The following TMEM260 variants were observed in gnomAD, a reference collection of about 807,000 sequenced individuals.
TMEM260 encodes the protein protein O-mannosyl-transferase TMEM260.
TMEM260 carries 82 observed loss-of-function variants against 88.9 expected under a neutral mutation model. That is an observed-to-expected ratio of 0.92 (90% CI 0.77 to 1.11). TMEM260 has a LOEUF of 1.11. TMEM260 is among the 50% of genes least tolerant of loss of function. TMEM260 has a pLI of 0.00. For synonymous variants in TMEM260, 314 were observed against 309.3 expected, an observed-to-expected ratio of 1.02 and a Z score of -0.16; for missense variants, 902 against 853.4, an observed-to-expected ratio of 1.06 and a Z score of -0.71.
chr14:56,640,559 A>T (rs1226082587), intron 15 of TMEM260, among the ~76,000 whole-genome samples: 1 of 152,160 alleles, frequency 6.6e-6, no homozygotes, highest in Non-Finnish European at 1.5e-5. Flanking sequence ...AACAGCAGAA[A>T]AACCAGAAAC....
intron 15 of TMEM260, 72 bp from the exon 16 acceptor site, chr14:56,647,171 T>C: frequency 6.7e-7 from 1 of 1,493,730 alleles, no homozygotes; most frequent in Non-Finnish European, 8.9e-7. Flanking sequence ...AATTCCTCTG[T>C]GTTTTTTTGT....
At chr14:56,592,126 C>A (rs541252568) in intron 3 of TMEM260, among the ~76,000 whole-genome samples, 1 of 152,230 alleles carries the variant, frequency 6.6e-6, no homozygotes, top group Non-Finnish European at 1.5e-5. Context: ...CTGGGTAAAA[C>A]AGTTCTCCTT....
At chr14:56,662,393 C>T in the TMEM260 span, among the ~76,000 whole-genome samples, 2 of 152,128 alleles carry the variant, frequency 1.3e-5, no homozygotes, top group African/African-American at 4.8e-5. Flanking sequence ...TCTGCAGAGC[C>T]CGGCCACCAA....
chr14:56,636,060 A>G (rs1889038186), intron 14 of TMEM260, among the ~76,000 whole-genome samples: 1 of 152,174 alleles, frequency 6.6e-6, no homozygotes, highest in Non-Finnish European at 1.5e-5. Flanking sequence ...TTGCACAGGT[A>G]TTGATTTAAT....
At chr14:56,607,504 G>A (rs931919398) in intron 5 of TMEM260, among the ~76,000 whole-genome samples, 3 of 152,172 alleles carry the variant, frequency 2.0e-5, no homozygotes. Context: ...TAACAGGGTA[G>A]TTGGATCTCA....
intron 12 of TMEM260, among the ~76,000 whole-genome samples, chr14:56,629,594 C>T (rs2139617721): frequency 6.6e-6 from 1 of 152,216 alleles, no homozygotes; most frequent in East Asian, 1.9e-4. Flanking sequence ...GAGGATATTC[C>T]TTAAGTATTT....
intron 10 of TMEM260, among the ~76,000 whole-genome samples, chr14:56,619,930 A>C (rs956057069): frequency 1.3e-5 from 2 of 152,238 alleles, no homozygotes; most frequent in African/African-American, 4.8e-5. Flanking sequence ...AATGTGGTCC[A>C]TATACACCAT....
At chr14:56,610,937 C>G (rs1193779857) in intron 6 of TMEM260, among the ~76,000 whole-genome samples, 2 of 151,060 alleles carry the variant, frequency 1.3e-5, no homozygotes, top group Non-Finnish European at 2.9e-5. Flanking sequence ...TGATTTCTAG[C>G]CAAATATTCT....
chr14:56,627,283 A>T (rs1888299150), intron 12 of TMEM260, among the ~76,000 whole-genome samples: 1 of 152,140 alleles, frequency 6.6e-6, no homozygotes, highest in African/African-American at 2.4e-5. Flanking sequence ...AAATGTTTTT[A>T]AAAACTGGAA....
intron 6 of TMEM260, 35 bp downstream of exon 6, chr14:56,609,320 A>G: frequency 6.3e-7 from 1 of 1,595,634 alleles, no homozygotes; most frequent in Non-Finnish European, 8.6e-7. Flanking sequence ...TAAGGAAACA[A>G]GTGGCAAAAC....
chr14:56,652,082 T>C (rs1053814036), downstream of TMEM260, among the ~76,000 whole-genome samples: 3 of 152,228 alleles, frequency 2.0e-5, no homozygotes, highest in Admixed American at 1.3e-4. Context: ...TATAAAAGTG[T>C]GTGTGATTAA....
At chr14:56,605,545 ATT>A (rs59106153) in intron 4 of TMEM260, 23 bp from the exon 5 acceptor site, 3 of 1,177,244 alleles carry the variant, frequency 2.5e-6, no homozygotes, top group South Asian at 1.7e-5. Flanking sequence ...TTTTTACTTA[ATT>A]TTTTTTTTTA....
At chr14:56,632,365 A>T (rs771959378) in intron 12 of TMEM260, among the ~76,000 whole-genome samples, 15 of 152,160 alleles carry the variant, frequency 9.9e-5, no homozygotes, top group Non-Finnish European at 2.1e-4. Context: ...CTGCTTAGAG[A>T]GAAGGGCTCC....
chr14:56,649,526 T>C (rs750706322), downstream of TMEM260: 2 of 152,240 alleles, frequency 1.3e-5, no homozygotes, highest in Non-Finnish European at 2.9e-5. Flanking sequence ...GCATTGTCTT[T>C]ATTGGTTCAG....
chr14:56,642,231 A>C (rs1168753868), intron 15 of TMEM260, among the ~76,000 whole-genome samples: 1 of 152,118 alleles, frequency 6.6e-6, no homozygotes, highest in Admixed American at 6.6e-5. Context: ...CATTGCACTT[A>C]TTCCAAAATT....
At chr14:56,586,146 T>C (rs1342028208) in intron 3 of TMEM260, among the ~76,000 whole-genome samples, 1 of 152,170 alleles carries the variant, frequency 6.6e-6, no homozygotes, top group Non-Finnish European at 1.5e-5. Flanking sequence ...CACAGTTCTC[T>C]GATTAGGCAG....
chr14:56,615,748 A>G, intron 7 of TMEM260, 196 bp from the exon 8 acceptor site: 4 of 522,936 alleles, frequency 7.6e-6, no homozygotes, highest in Non-Finnish European at 1.4e-5. Flanking sequence ...AAATGTTACC[A>G]TTGGAAAACG....
At position 56,633,144 on chromosome 14, in the gene TMEM260, T is replaced by C. The variant is rs1337745829; in HGVS notation, c.1697T>C (p.Ile566Thr). Residue 566 changes from isoleucine to threonine, a missense_variant, in exon 13 of 16, where the codon ATC (isoleucine) becomes ACC (threonine). Physicochemically the swap from Ile to Thr is moderately conservative, Grantham distance 89. Transcript: ENST00000261556. ...PEEWIKLTKS[I>T]YNWTEEYGRF... The stretch of plus-strand genomic sequence containing the variant: ...GAATGGATTAAACTTACAAAAAGTA[T>C]CTATAACTGGACCGAAGAATATGGA... 2.5e-6 allele frequency: 4 copies of C among 1,612,802 alleles called. No individual in the cohort carries two copies. The highest frequency in any genetic ancestry group is 2.2e-5 in the East Asian group (1 of 44,848).
chr14:56,661,188 C>G, the TMEM260 span, among the ~76,000 whole-genome samples: 1 of 151,938 alleles, frequency 6.6e-6, no homozygotes, highest in South Asian at 2.1e-4. Flanking sequence ...GGGCCAGGTA[C>G]CAGCCTAGTG....
Sources: gnomAD v4.1 joint callset for allele counts (sites outside exome capture counted in the v4.1 genomes callset) on GRCh38, gnomAD v4.1.1 for gene constraint, MANE v1.5 for transcripts, NCBI Gene and HGNC (gene_info 2026-07-23, HGNC 2026-07-21) for gene names.